Variants in MAP3K15 observed in about 807,000 individuals in gnomAD.
The protein encoded by MAP3K15 is MAPK/ERK kinase kinase 15.
Under a neutral mutation model 99.5 loss-of-function variants are expected in MAP3K15, and 124 were observed. The ratio of observed to expected loss-of-function variants is 1.25; its 90% CI spans 1.08 to 1.45. The LOEUF (loss-of-function observed/expected upper bound fraction) is 1.45. Ranked by LOEUF, MAP3K15 falls within the 40% of genes most tolerant of loss-of-function variation. The pLI is 0.00. For missense variants in MAP3K15, 1,242 were observed against 1,079.7 expected, an observed-to-expected ratio of 1.15 and a Z score of -2.11; for synonymous variants, 494 against 439.6, an observed-to-expected ratio of 1.12 and a Z score of -1.55.
At chrX:19,369,359 T>C (rs760159642) in intron 24 of MAP3K15, 140 bp from the exon 25 acceptor site, 1 of 617,449 alleles carries the variant, frequency 1.6e-6, no homozygotes, top group South Asian at 2.6e-5. Context: ...CTGCTGACTT[T>C]ACAAATGGAG....
At chrX:19,441,631 A>AT (rs201750244) in intron 6 of MAP3K15, among the ~76,000 whole-genome samples, 2,313 of 110,524 alleles carry the variant, frequency 0.021, 67 homozygotes, top group African/African-American at 0.071. Context: ...ATTTTTTTGT[A>AT]TTTTTTTGTA....
Position 19,371,081 on chromosome X carries a change from T to C in MAP3K15, c.3295-17A>G. The C allele has an allele frequency of 1.1e-6, 1 of 948,564 alleles. No individual in the cohort carries two copies. The highest frequency in any genetic ancestry group is 1.4e-6 in the Non-Finnish European group (1 of 703,912). The allele number at this position is 948,564 out of a possible 1,213,427, so 78.2% of individuals were successfully genotyped here. ...TTTATTTACCTAAAAAAAAAAAAAA[T>C]AATAAAATAAACTAAAATCACAAAA... On this transcript the variant is annotated splice_polypyrimidine_tract_variant and intron_variant, in intron 23 of 28. Transcript: ENST00000338883.
intron 1 of MAP3K15, among the ~76,000 whole-genome samples, chrX:19,503,661 A>G (rs1382750965): frequency 9.1e-6 from 1 of 110,136 alleles, no homozygotes; most frequent in Non-Finnish European, 1.9e-5. Context: ...TCCTGGCCTC[A>G]GGTGATCTGC....
In MAP3K15 at chrX:19,371,084, TAA is replaced by T; in HGVS notation, c.3295-22_3295-21del. The T allele has an allele frequency of 1.0e-6, 1 of 982,119 alleles. No individual in the cohort carries two copies. 80.9% of individuals were successfully genotyped at this position (982,119 alleles called of 1,213,427 possible). On this transcript the variant is annotated intron_variant, in intron 23 of 28. Transcript: ENST00000338883. ...ATTTACCTAAAAAAAAAAAAAATAA[TAA>T]AATAAACTAAAATCACAAAAATCCA... is the stretch of plus-strand genomic sequence containing the variant.
chrX:19,404,965 C>T (rs1298028652), intron 13 of MAP3K15, among the ~76,000 whole-genome samples: 1 of 110,964 alleles, frequency 9.0e-6, no homozygotes, highest in African/African-American at 3.3e-5. Flanking sequence ...GACAAAGCTT[C>T]TAAGACAAGA....
At chrX:19,464,137 G>T in intron 4 of MAP3K15, 76 bp downstream of exon 4, 1 of 886,752 alleles carries the variant, frequency 1.1e-6, no homozygotes, top group Non-Finnish European at 1.6e-6. Flanking sequence ...TTCATTTGAA[G>T]GTGTACCGCT....
chrX:19,454,645 T>C (rs1029452183), intron 6 of MAP3K15, among the ~76,000 whole-genome samples: 8 of 111,853 alleles, frequency 7.2e-5, no homozygotes, highest in Non-Finnish European at 1.9e-5. Flanking sequence ...CTCCACTTCC[T>C]GAGAGCTAAA....
intron 1 of MAP3K15, chrX:19,496,846 TTCTGTGCTCTACGTTTCCTCAGCAGTA>T (rs2064406506): frequency 8.9e-6 from 1 of 111,897 alleles, no homozygotes; most frequent in South Asian, 3.8e-4. Context: ...ATTTCACCCA[TTCTGTGCTCTACGTTTCCTCAGCAGTA>T]TCTGTCCCCT....
Position 19,481,115 on chromosome X carries a change from CAAAA to C in MAP3K15, c.525+5363_525+5366del, listed in dbSNP as rs60578003. 1.9e-3 allele frequency among the ~76,000 whole-genome samples: 106 copies of C among 55,263 alleles called. 3 individuals are homozygous for C. Among genetic ancestry groups the C allele is most frequent in the South Asian group, 5.3e-3 (4 of 749 alleles). 48.0% of individuals were successfully genotyped at this position (55,263 alleles called of 115,157 possible). A position where few individuals can be genotyped will look rare whatever the true frequency, so the allele number is the denominator to read the frequency against. On this transcript the variant is annotated intron_variant, in intron 3 of 28. Coordinates refer to ENST00000338883, the MANE Select transcript of MAP3K15 (RefSeq NM_001001671.4). ...TGGGTGACAGAGCGAGAACTTGTCTCAAAAAAAAAAAAAAAAAAAAGTTTTAAAC... is the reference window on the plus strand; with the variant it reads ...TGGGTGACAGAGCGAGAACTTGTCTCAAAAAAAAAAAAAAAAGTTTTAAAC...
At chrX:19,481,229 A>T (rs774808328) in intron 3 of MAP3K15, among the ~76,000 whole-genome samples, 10 of 110,114 alleles carry the variant, frequency 9.1e-5, no homozygotes, top group Non-Finnish European at 1.9e-4. Context: ...GTATACAGTC[A>T]ATTGATTTTG....
intron 1 of MAP3K15, among the ~76,000 whole-genome samples, chrX:19,498,711 C>G (rs1003332285): frequency 2.7e-5 from 3 of 112,110 alleles, no homozygotes; most frequent in African/African-American, 9.7e-5. Flanking sequence ...CCTGGGGGCA[C>G]TCATCGTGGG....
Position 19,416,204 on chromosome X carries a change from G to A in MAP3K15, c.1440-947C>T, listed in dbSNP as rs751084871. Among the ~76,000 whole-genome samples the A allele has an allele frequency of 1.7e-3, 184 of 111,268 alleles. 1 individual carries two copies. The highest frequency in any genetic ancestry group is 2.3e-3 in the Non-Finnish European group (122 of 53,025). The stretch of plus-strand genomic sequence containing the variant: ...AAATTAGCAGGATGCGGTGGCAGGC[G>A]TCTATAGTCCCAACTACTTGGGAGG... On this transcript the variant is annotated intron_variant, in intron 9 of 28. Transcript: ENST00000338883.
Position 19,512,346 on chromosome X carries a change from G to A in MAP3K15, c.361+2555C>T, listed in dbSNP as rs952229422. Among the ~76,000 whole-genome samples the A allele has an allele frequency of 4.5e-5, 5 of 111,797 alleles. No individual in the cohort carries two copies. The Admixed American group carries it at 4.8e-4, about 11-fold the overall frequency. ...AAAGTTAAAAATAAATACTTGGGCC[G>A]TTCAACAGTTCCCCTCCCCCACAAG... On this transcript the variant is annotated intron_variant, in intron 1 of 28. Transcript: ENST00000338883.
chrX:19,463,242 TAGA>T (rs1008968958), intron 4 of MAP3K15, among the ~76,000 whole-genome samples: 11 of 111,972 alleles, frequency 9.8e-5, no homozygotes, highest in African/African-American at 3.6e-4. Flanking sequence ...TTAAAGTCTG[TAGA>T]AGAAGGTCTG....
chrX:19,389,223 A>G (rs1346400718), intron 18 of MAP3K15, among the ~76,000 whole-genome samples: 1 of 108,052 alleles, frequency 9.3e-6, no homozygotes, highest in Non-Finnish European at 1.9e-5. Flanking sequence ...CAACTCAGTA[A>G]ATTTACTGAA....
At chrX:19,513,168 T>C (rs909997776) in intron 1 of MAP3K15, among the ~76,000 whole-genome samples, 1 of 111,352 alleles carries the variant, frequency 9.0e-6, no homozygotes, top group African/African-American at 3.3e-5. Context: ...GACGTGTCTG[T>C]TGTGTGGCTC....
chrX:19,490,010 T>TG (rs1432319422), intron 1 of MAP3K15, among the ~76,000 whole-genome samples: 1 of 110,919 alleles, frequency 9.0e-6, no homozygotes, highest in Non-Finnish European at 1.9e-5. Flanking sequence ...CACTCCAGCC[T>TG]GGGCAACAGA....
intron 3 of MAP3K15, among the ~76,000 whole-genome samples, chrX:19,468,166 C>T (rs2147369176): frequency 8.9e-6 from 1 of 111,961 alleles, no homozygotes; most frequent in Admixed American, 9.5e-5. Flanking sequence ...CTGTACAAAA[C>T]ATTATGGAGA....
At chrX:19,385,844 G>A (rs1026295966) in intron 18 of MAP3K15, among the ~76,000 whole-genome samples, 3 of 111,694 alleles carry the variant, frequency 2.7e-5, no homozygotes, top group African/African-American at 9.8e-5. Flanking sequence ...AGAGTAGCAC[G>A]TGTAAGGATT....
Sources: allele counts gnomAD v4.1 joint callset (sites outside exome capture counted in the v4.1 genomes callset), GRCh38; gene constraint gnomAD v4.1.1; transcripts MANE v1.5; gene names NCBI Gene and HGNC (gene_info 2026-07-23, HGNC 2026-07-21).